The following MAD1L1 variants were observed in gnomAD, a reference collection of about 807,000 sequenced individuals.
The protein encoded by MAD1L1 is mitotic arrest deficient 1 like 1, also known as mitotic spindle assembly checkpoint protein MAD1.
In MAD1L1, 95 loss-of-function variants were observed where a neutral mutation model predicts 96.9. The observed-to-expected ratio is 0.98, with a 90% CI of 0.83 to 1.16. The LOEUF (loss-of-function observed/expected upper bound fraction) is 1.16. MAD1L1 is among the 50% of genes most tolerant of loss of function. The pLI is 0.00. For missense variants in MAD1L1, 1,007 were observed against 954.4 expected (o/e 1.06, Z -0.73); for synonymous variants, 473 against 396.6 (o/e 1.19, Z -2.29).
At chr7:2,066,532 G>A (rs1479729133) in intron 12 of MAD1L1, among the ~76,000 whole-genome samples, 2 of 152,206 alleles carry the variant, frequency 1.3e-5, no homozygotes, top group South Asian at 2.1e-4. Flanking sequence ...CAGCAGGGTC[G>A]GGGTGAGGCT....
chr7:1,975,753 G>C (rs1780607056), intron 15 of MAD1L1, among the ~76,000 whole-genome samples: 1 of 152,124 alleles, frequency 6.6e-6, no homozygotes, highest in South Asian at 2.1e-4. Flanking sequence ...TCGGGTGAGT[G>C]GGGTCATGGG....
At chr7:1,950,117 C>T (rs950203858) in intron 16 of MAD1L1, among the ~76,000 whole-genome samples, 6 of 152,194 alleles carry the variant, frequency 3.9e-5, no homozygotes, top group African/African-American at 9.7e-5. Context: ...GTGGGCCAGG[C>T]GTGCATGCCC....
intron 17 of MAD1L1, among the ~76,000 whole-genome samples, chr7:1,908,543 G>C (rs1476429280): frequency 2.6e-5 from 4 of 152,110 alleles, no homozygotes; most frequent in Non-Finnish European, 5.9e-5. Context: ...CCACCACACT[G>C]GGCTAATATA....
chr7:1,976,707 T>C (rs1040407868), intron 15 of MAD1L1, among the ~76,000 whole-genome samples: 1 of 152,222 alleles, frequency 6.6e-6, no homozygotes, highest in African/African-American at 2.4e-5. Context: ...GAAAGCTGAT[T>C]GGTCTGTTTT....
At chr7:1,895,003 C>T (rs192896050) in intron 18 of MAD1L1, among the ~76,000 whole-genome samples, 30 of 152,248 alleles carry the variant, frequency 2.0e-4, no homozygotes, top group South Asian at 4.2e-4. Context: ...CCGGCAGACT[C>T]GCCTGTCAGG....
At chr7:1,902,922 T>G (rs1013667583) in intron 17 of MAD1L1, among the ~76,000 whole-genome samples, 5 of 149,092 alleles carry the variant, frequency 3.4e-5, no homozygotes, top group Admixed American at 1.3e-4. Flanking sequence ...TGGAAGACGT[T>G]CTTGTGGAAC....
At chr7:1,934,756 A>T (rs1789687426) in intron 17 of MAD1L1, among the ~76,000 whole-genome samples, 1 of 151,724 alleles carries the variant, frequency 6.6e-6, no homozygotes, top group African/African-American at 2.4e-5. Context: ...AGAGACCCAG[A>T]CAACAGGTGA....
intron 10 of MAD1L1, among the ~76,000 whole-genome samples, chr7:2,212,401 T>C (rs1246967748): frequency 6.6e-6 from 1 of 152,210 alleles, no homozygotes; most frequent in Non-Finnish European, 1.5e-5. Context: ...TCTGTGTCCC[T>C]GCCCCATGCC....
chr7:1,835,196 G>A (rs534578041), intron 18 of MAD1L1, among the ~76,000 whole-genome samples: 31 of 152,044 alleles, frequency 2.0e-4, no homozygotes, highest in African/African-American at 6.8e-4. Flanking sequence ...TATGAATGAC[G>A]TACAGAGAAT....
At chr7:2,120,751 G>T (rs1348460855) in intron 11 of MAD1L1, among the ~76,000 whole-genome samples, 2 of 152,228 alleles carry the variant, frequency 1.3e-5, no homozygotes, top group Non-Finnish European at 2.9e-5. Context: ...AGAAAGACAG[G>T]GGGTGCGGGA....
chr7:2,142,351 G>C lies in MAD1L1; in HGVS notation c.1073+6801C>G, dbSNP rs1174892387. ...TCAAAAGGCTGTCCCCTGGTGCAGG[G>C]CTGGGTTGGGGGCTGAGGCCTCTAT... On this transcript the variant is annotated intron_variant, in intron 11 of 18. Coordinates refer to ENST00000265854, the MANE Select transcript of MAD1L1 (RefSeq NM_001013836.2). The surrounding 1 kb of genome is among the most constrained non-coding windows in gnomAD (Gnocchi z 4.7). Among the ~76,000 whole-genome samples, 3 of 152,234 alleles carry C rather than the reference G, an allele frequency of 2.0e-5. No individual in the cohort carries two copies. Among genetic ancestry groups the C allele is most frequent in the Non-Finnish European group, 4.4e-5 (3 of 68,044 alleles).
In MAD1L1 at chr7:1,971,265, A is replaced by C. The variant is rs573453516; in HGVS notation, c.1505+9188T>G. 5.8e-4 allele frequency among the ~76,000 whole-genome samples: 89 copies of C among 152,322 alleles called. 2 individuals carry two copies. In the South Asian group the frequency reaches 0.018, roughly 31 times the overall value. ...GCTGCTGGGGGCTGTTGCCGTCACC[A>C]GTAAGAAACACAAGCGATGGGATTT... On this transcript the variant is annotated intron_variant, in intron 15 of 18. Coordinates refer to ENST00000265854, the MANE Select transcript of MAD1L1 (RefSeq NM_001013836.2).
intron 10 of MAD1L1, chr7:2,200,462 G>A (rs1669823305): frequency 6.6e-6 from 1 of 152,360 alleles, no homozygotes; most frequent in Admixed American, 6.5e-5. Context: ...AGAGCCCCAG[G>A]GTCCACACAC....
At chr7:2,167,710 A>G (rs1790507112) in intron 10 of MAD1L1, among the ~76,000 whole-genome samples, 1 of 151,824 alleles carries the variant, frequency 6.6e-6, no homozygotes, top group Admixed American at 6.6e-5. Context: ...AACCTGGGCA[A>G]CCTCATCTCT....
At chr7:2,060,783 A>G (rs1184330005) in intron 12 of MAD1L1, among the ~76,000 whole-genome samples, 1 of 152,260 alleles carries the variant, frequency 6.6e-6, no homozygotes, top group East Asian at 1.9e-4. Context: ...GCAGCAACAT[A>G]TAAAAGGTAA....
In MAD1L1 at chr7:1,980,867, G is replaced by A. The variant is rs182708294; in HGVS notation, c.1417-326C>T. ...GGAGAGAGCACGCTCCAACGCTGCC[G>A]TCGGTTTGGTTTAACAGCCACAAGC... On this transcript the variant is annotated intron_variant, in intron 14 of 18. Coordinates refer to ENST00000265854, the MANE Select transcript of MAD1L1 (RefSeq NM_001013836.2). The A allele has an allele frequency of 8.1e-4, 352 of 434,730 alleles. 3 individuals are homozygous for A. The East Asian group carries it at 0.012, about 15-fold the overall frequency. The allele number at this position is 434,730 out of a possible 1,614,324, so 26.9% of individuals were successfully genotyped here.
intron 11 of MAD1L1, among the ~76,000 whole-genome samples, chr7:2,132,691 A>C (rs1788576219): frequency 6.6e-6 from 1 of 152,202 alleles, no homozygotes; most frequent in African/African-American, 2.4e-5. Context: ...ATATATATTT[A>C]AGATTCTTCC....
intron 13 of MAD1L1, among the ~76,000 whole-genome samples, chr7:2,012,524 G>A (rs919972258): frequency 2.0e-5 from 3 of 152,246 alleles, no homozygotes; most frequent in Non-Finnish European, 4.4e-5. Flanking sequence ...GAAGGTCAGT[G>A]TGCAGCCCTC....
intron 18 of MAD1L1, among the ~76,000 whole-genome samples, chr7:1,851,389 C>G (rs566260883): frequency 6.6e-6 from 1 of 152,304 alleles, no homozygotes; most frequent in East Asian, 1.9e-4. Context: ...CGGGAAACCC[C>G]GACAGGGAGG....
Sources: allele counts gnomAD v4.1 joint callset (sites outside exome capture counted in the v4.1 genomes callset), GRCh38; gene constraint gnomAD v4.1.1; non-coding constraint Gnocchi (gnomAD v3.1); transcripts MANE v1.5; gene names NCBI Gene and HGNC (gene_info 2026-07-23, HGNC 2026-07-21).